The following KCNJ4 variants were observed in gnomAD, a reference collection of about 807,000 sequenced individuals.
The protein encoded by KCNJ4 is potassium inwardly rectifying channel subfamily J member 4, also known as inward rectifier potassium channel 4.
A neutral mutation model predicts 25.6 loss-of-function variants in KCNJ4; 3 were observed. That is an observed-to-expected ratio of 0.12 (90% confidence interval 0.05 to 0.30). The LOEUF (loss-of-function observed/expected upper bound fraction) is 0.30. KCNJ4 is among the 10% of genes least tolerant of loss of function. KCNJ4 has a pLI of 1.00. For synonymous variants in KCNJ4, 257 were observed against 283.9 expected, an observed-to-expected ratio of 0.91 and a Z score of 0.95; for missense variants, 286 against 666.8, an observed-to-expected ratio of 0.43 and a Z score of 6.29.
intron 1 of KCNJ4, among the ~76,000 whole-genome samples, chr22:38,439,369 G>A (rs2089315648): frequency 6.6e-6 from 1 of 152,000 alleles, no homozygotes; most frequent in Admixed American, 6.6e-5. Flanking sequence ...GAGGCGGAGG[G>A]TACAGTCAGC....
chr22:38,444,821 C>T (rs2089362184), intron 1 of KCNJ4, among the ~76,000 whole-genome samples: 1 of 152,328 alleles, frequency 6.6e-6, no homozygotes, highest in East Asian at 1.9e-4. Flanking sequence ...GAATCTCCAA[C>T]TCCAGCCGAC....
At chr22:38,447,458 T>C (rs1184023504) in intron 1 of KCNJ4, among the ~76,000 whole-genome samples, 1 of 152,154 alleles carries the variant, frequency 6.6e-6, no homozygotes, top group Non-Finnish European at 1.5e-5. Context: ...CTCCCCTGTA[T>C]GGCCCCAAGG....
At chr22:38,451,522 G>A (rs536868044) in intron 1 of KCNJ4, among the ~76,000 whole-genome samples, 2 of 152,208 alleles carry the variant, frequency 1.3e-5, no homozygotes, top group East Asian at 3.8e-4. Flanking sequence ...GGGGTGAGGG[G>A]ATCTGGAGAG....
chr22:38,442,560 A>AAAT (rs2089343341), intron 1 of KCNJ4, among the ~76,000 whole-genome samples: 3 of 151,006 alleles, frequency 2.0e-5, no homozygotes, highest in Admixed American at 2.0e-4. Context: ...AAAAAAAAAA[A>AAAT]AAGGACTGTC....
At chr22:38,451,146 G>A (rs937995932) in intron 1 of KCNJ4, among the ~76,000 whole-genome samples, 2 of 152,330 alleles carry the variant, frequency 1.3e-5, no homozygotes, top group African/African-American at 2.4e-5. Context: ...GCTGGGAAGC[G>A]GGGAAGCGAT....
chr22:38,436,405 G>A (rs117906335), intron 1 of KCNJ4, among the ~76,000 whole-genome samples: 4,684 of 152,264 alleles, frequency 0.031, 117 homozygotes, highest in South Asian at 0.13. Flanking sequence ...AGCAGCCTCG[G>A]TGCTGTTCCA....
intron 1 of KCNJ4, among the ~76,000 whole-genome samples, chr22:38,453,436 T>C (rs1304997589): frequency 1.3e-5 from 2 of 152,168 alleles, no homozygotes; most frequent in Non-Finnish European, 2.9e-5. Context: ...TGAGGAATTG[T>C]ACCCCAGATT....
Position 38,426,530 on chromosome 22 carries a change from C to A in KCNJ4, c.*265G>T. Reference sequence around the variant, plus strand: ...CAAAGAGGGCACGTCCTTGAAGAGTCAGTGGGGGAAGGGTGGTGGATCCGG... The same window carrying A: ...CAAAGAGGGCACGTCCTTGAAGAGTAAGTGGGGGAAGGGTGGTGGATCCGG... On this transcript the variant is annotated 3_prime_UTR_variant, in exon 2 of 2. Coordinates refer to ENST00000303592, the MANE Select transcript of KCNJ4 (RefSeq NM_152868.3). 2.4e-6 allele frequency: 1 copy of A among 415,962 alleles called. No homozygotes were observed. The highest frequency in any genetic ancestry group is 4.3e-6 in the Non-Finnish European group (1 of 232,130). The allele number at this position is 415,962 out of a possible 1,614,324, so 25.8% of individuals were successfully genotyped here.
At chr22:38,434,532 C>T (rs1345361754) in intron 1 of KCNJ4, among the ~76,000 whole-genome samples, 3 of 152,174 alleles carry the variant, frequency 2.0e-5, no homozygotes, top group Non-Finnish European at 4.4e-5. Flanking sequence ...TGATGCTGAG[C>T]TTGAGCTGGA....
At chr22:38,434,964 A>G (rs1410335398) in intron 1 of KCNJ4, among the ~76,000 whole-genome samples, 1 of 152,226 alleles carries the variant, frequency 6.6e-6, no homozygotes, top group African/African-American at 2.4e-5. Context: ...CATTGCAGGT[A>G]AAGTGCAAAA....
chr22:38,450,107 G>A lies in KCNJ4; in HGVS notation c.-40+4873C>T, dbSNP rs370058504. Among the ~76,000 whole-genome samples the A allele has an allele frequency of 1.3e-4, 20 of 152,330 alleles. No homozygotes were observed. The East Asian group carries it at 2.5e-3, about 19-fold the overall frequency. On this transcript the variant is annotated intron_variant, in intron 1 of 1. Transcript: ENST00000303592. ...AAAGTTTGAGCAGCGATCAGCCCAC[G>A]TAGCGAGGGGAAGAGGGAACAGGAG...
intron 1 of KCNJ4, among the ~76,000 whole-genome samples, chr22:38,441,345 C>T (rs1005072753): frequency 1.3e-5 from 2 of 152,068 alleles, no homozygotes; most frequent in Admixed American, 6.6e-5. Context: ...TTCTGCTGGG[C>T]GGGGGTCAGG....
At chr22:38,442,275 G>A (rs1252686354) in intron 1 of KCNJ4, among the ~76,000 whole-genome samples, 1 of 152,246 alleles carries the variant, frequency 6.6e-6, no homozygotes, top group East Asian at 1.9e-4. Flanking sequence ...GTGGCCGGGC[G>A]CGGTGGCTCA....
chr22:38,441,056 C>T (rs571402974), intron 1 of KCNJ4, among the ~76,000 whole-genome samples: 1 of 152,216 alleles, frequency 6.6e-6, no homozygotes, highest in East Asian at 1.9e-4. Context: ...GTCTTAGACC[C>T]GGCCCCAGCA....
intron 1 of KCNJ4, among the ~76,000 whole-genome samples, chr22:38,432,920 G>A (rs1250913708): frequency 6.6e-6 from 1 of 151,390 alleles, no homozygotes; most frequent in East Asian, 2.0e-4. Flanking sequence ...GCAGTCAGCC[G>A]AGATCACACC....
chr22:38,429,162 TAG>T (rs1455008808), intron 1 of KCNJ4, among the ~76,000 whole-genome samples: 1 of 152,020 alleles, frequency 6.6e-6, no homozygotes, highest in Non-Finnish European at 1.5e-5. Context: ...GCTCCTTTCT[TAG>T]ACTCTTCTCT....
chr22:38,428,630 A>G (rs1226809671), intron 1 of KCNJ4, among the ~76,000 whole-genome samples: 1 of 151,930 alleles, frequency 6.6e-6, no homozygotes, highest in Non-Finnish European at 1.5e-5. Context: ...CCTCCTGTGC[A>G]CTAGCCACTG....
intron 1 of KCNJ4, among the ~76,000 whole-genome samples, chr22:38,437,260 GCGC>G (rs2093068113): frequency 6.6e-6 from 1 of 152,232 alleles, no homozygotes; most frequent in Non-Finnish European, 1.5e-5. Context: ...CAAATCACAG[GCGC>G]TGGGGGCTGG....
chr22:38,442,668 C>A (rs907253729), intron 1 of KCNJ4, among the ~76,000 whole-genome samples: 1 of 151,986 alleles, frequency 6.6e-6, no homozygotes, highest in Admixed American at 6.6e-5. Context: ...GAAGGAATAA[C>A]ACCCAGTGAA....
Sources: allele counts gnomAD v4.1 joint callset (sites outside exome capture counted in the v4.1 genomes callset), GRCh38; gene constraint gnomAD v4.1.1; transcripts MANE v1.5; gene names NCBI Gene and HGNC (gene_info 2026-07-23, HGNC 2026-07-21).